The following TENM2 variants were observed in gnomAD, a reference collection of about 807,000 sequenced individuals.
TENM2 encodes teneurin transmembrane protein 2, also known as teneurin-2.
Under a neutral mutation model 245.2 loss-of-function variants are expected in TENM2, and 52 were observed. The ratio of observed to expected loss-of-function variants is 0.21; its 90% CI spans 0.17 to 0.27. The LOEUF is 0.27. Among genes scored for constraint, TENM2 ranks in the 10% least tolerant of loss-of-function variants. The probability of loss-of-function intolerance (pLI) is 1.00; values close to 1 mark genes in which losing one functional copy is unlikely to be tolerated. For missense variants in TENM2, 3,046 were observed against 3,666.8 expected, an observed-to-expected ratio of 0.83 and a Z score of 4.37; for synonymous variants, 1,363 against 1,438.9, an observed-to-expected ratio of 0.95 and a Z score of 1.19.
At chr5:167,354,485 T>G (rs1759179956) in intron 1 of TENM2, among the ~76,000 whole-genome samples, 1 of 152,160 alleles carries the variant, frequency 6.6e-6, no homozygotes, top group Non-Finnish European at 1.5e-5. Context: ...AAGCTTTCCC[T>G]TCACCCCCTC....
chr5:167,674,266 C>A (rs2150358624), intron 2 of TENM2, among the ~76,000 whole-genome samples: 1 of 152,210 alleles, frequency 6.6e-6, no homozygotes, highest in Non-Finnish European at 1.5e-5. Flanking sequence ...CAGGATTATG[C>A]AGGTCAGGTC....
chr5:167,976,387 A>G (rs1782447813), intron 4 of TENM2, among the ~76,000 whole-genome samples: 2 of 152,206 alleles, frequency 1.3e-5, no homozygotes, highest in Non-Finnish European at 2.9e-5. Flanking sequence ...GGAATAATAA[A>G]TAGTGTAGAG....
chr5:168,053,251 G>C (rs893548657), intron 6 of TENM2, among the ~76,000 whole-genome samples: 4 of 152,170 alleles, frequency 2.6e-5, no homozygotes, highest in Non-Finnish European at 5.9e-5. Context: ...CTACTTACAT[G>C]CACTTATACT....
chr5:167,537,233 GA>G (rs1771909376), intron 2 of TENM2, among the ~76,000 whole-genome samples: 1 of 124,142 alleles, frequency 8.1e-6, no homozygotes, highest in African/African-American at 3.0e-5. Context: ...GCAATATAGT[GA>G]GACCCCCATC....
chr5:167,098,985 C>T, the TENM2 span, among the ~76,000 whole-genome samples: 2 of 152,102 alleles, frequency 1.3e-5, no homozygotes, highest in Admixed American at 6.6e-5. Context: ...GTAACAAGTA[C>T]CTCAGTTGGT....
intron 2 of TENM2, among the ~76,000 whole-genome samples, chr5:167,698,207 T>C (rs139797296): frequency 7.1e-4 from 108 of 152,348 alleles, no homozygotes; most frequent in African/African-American, 2.4e-3. Flanking sequence ...AACTCCCTGG[T>C]TGTTTTTACC....
intron 4 of TENM2, among the ~76,000 whole-genome samples, chr5:167,961,554 A>G (rs1781014162): frequency 6.6e-6 from 1 of 152,226 alleles, no homozygotes; most frequent in African/African-American, 2.4e-5. Context: ...GAGATGTAAT[A>G]GCTATTGTAG....
intron 2 of TENM2, among the ~76,000 whole-genome samples, chr5:167,725,144 A>C (rs1014570519): frequency 2.0e-5 from 3 of 152,224 alleles, no homozygotes; most frequent in African/African-American, 7.2e-5. Context: ...TACATGGGAA[A>C]TGGATTCTTA....
intron 2 of TENM2, among the ~76,000 whole-genome samples, chr5:167,778,441 A>G (rs954215167): frequency 9.9e-5 from 15 of 152,166 alleles, no homozygotes; most frequent in African/African-American, 3.1e-4. Flanking sequence ...GGCTTAAAGG[A>G]GATTATCTGA....
At position 167,827,641 on chromosome 5, in the gene TENM2, A is replaced by G. The variant is rs1168143086; in HGVS notation, c.503-48345A>G. 1.6e-3 allele frequency among the ~76,000 whole-genome samples: 163 copies of G among 104,174 alleles called. 2 individuals are homozygous for G. The highest frequency in any genetic ancestry group is 5.6e-3 in the African/African-American group (157 of 28,082). The allele number at this position is 104,174 out of a possible 152,430, so 68.3% of individuals were successfully genotyped here. ...GAGCTAGGTGGGCGGGGGGGGGGGA[A>G]CAGTTTAATGAGCGTGAATGAAATA... On this transcript the variant is annotated intron_variant, in intron 2 of 28. Coordinates refer to ENST00000518659, the Ensembl canonical transcript of TENM2.
chr5:167,897,552 A>G (rs984678196), intron 3 of TENM2, among the ~76,000 whole-genome samples: 11 of 152,342 alleles, frequency 7.2e-5, no homozygotes, highest in Middle Eastern at 3.4e-3. Flanking sequence ...GCTATTTACA[A>G]TGATCCCTGT....
At chr5:167,997,033 C>G (rs1419239419) in intron 5 of TENM2, among the ~76,000 whole-genome samples, 2 of 152,146 alleles carry the variant, frequency 1.3e-5, no homozygotes, top group African/African-American at 4.8e-5. Context: ...GCCACCACAC[C>G]CAGCCCATTT....
intron 12 of TENM2, among the ~76,000 whole-genome samples, chr5:168,161,403 A>G (rs963244031): frequency 6.6e-6 from 1 of 152,234 alleles, no homozygotes; most frequent in Non-Finnish European, 1.5e-5. Context: ...ATTTAAATTA[A>G]GCAAGAAAAC....
At chr5:167,607,168 T>A (rs1421284292) in intron 2 of TENM2, among the ~76,000 whole-genome samples, 1 of 152,042 alleles carries the variant, frequency 6.6e-6, no homozygotes, top group Non-Finnish European at 1.5e-5. Context: ...CTAATTGCAA[T>A]ACAGTAGAGA....
intron 2 of TENM2, among the ~76,000 whole-genome samples, chr5:167,670,256 C>T (rs1755845564): frequency 6.6e-6 from 1 of 152,076 alleles, no homozygotes; most frequent in Non-Finnish European, 1.5e-5. Flanking sequence ...CTTTGTGATC[C>T]TTCTCTGTCC....
chr5:167,636,123 T>C (rs867705697), intron 2 of TENM2, among the ~76,000 whole-genome samples: 12 of 152,212 alleles, frequency 7.9e-5, no homozygotes, highest in Admixed American at 1.3e-4. Flanking sequence ...ATTTTTAAAA[T>C]GTTTAGTTCA....
chr5:167,728,958 A>G (rs1561713571), intron 2 of TENM2: 1 of 152,244 alleles, frequency 6.6e-6, no homozygotes, highest in African/African-American at 2.4e-5. Flanking sequence ...ACGAAGGCAA[A>G]CACTTGTCAT....
At chr5:167,389,477 C>A (rs900617475) in intron 2 of TENM2, among the ~76,000 whole-genome samples, 1 of 151,968 alleles carries the variant, frequency 6.6e-6, no homozygotes, top group Non-Finnish European at 1.5e-5. Context: ...AAAATCATTT[C>A]CCCATGACAT....
chr5:168,218,653 C>A lies in TENM2; in HGVS notation c.4762C>A (p.Pro1588Thr), dbSNP rs1763409491. ...CTTCAACCAGTATGAGGCTGCATCC[C>A]CCGGAGAGCAGGAGTTATATGTTTT... Residue 1588 changes from proline to threonine, a missense_variant, in exon 23 of 29, where the codon CCC becomes ACC. Physicochemically the swap from Pro to Thr is conservative, Grantham distance 38 (BLOSUM62 -1). Transcript: ENST00000518659. This position sits in a 1 kb window ranked among gnomAD's most constrained non-coding sequence, Gnocchi z 5.2. The A allele has an allele frequency of 6.2e-7, 1 of 1,613,954 alleles. No individual in the cohort carries two copies. Among genetic ancestry groups the A allele is most frequent in the Non-Finnish European group, 8.5e-7 (1 of 1,179,876 alleles).
Sources: gnomAD v4.1 joint callset for allele counts (sites outside exome capture counted in the v4.1 genomes callset) on GRCh38, gnomAD v4.1.1 for gene constraint, Gnocchi (gnomAD v3.1) non-coding constraint, MANE v1.5 for transcripts, NCBI Gene and HGNC (gene_info 2026-07-23, HGNC 2026-07-21) for gene names.